The following CPEB1 variants were observed in gnomAD, a reference collection of about 807,000 sequenced individuals.
CPEB1 encodes cytoplasmic polyadenylation element binding protein 1.
A neutral mutation model predicts 65.8 loss-of-function variants in CPEB1; 7 were observed. The ratio of observed to expected loss-of-function variants is 0.11; its 90% CI spans 0.06 to 0.20. CPEB1 has a LOEUF of 0.20. Ranked by LOEUF, CPEB1 falls within the 10% of genes least tolerant of loss-of-function variation. The pLI is 1.00. For synonymous variants in CPEB1, 262 were observed against 260.0 expected (o/e 1.01, Z -0.08); for missense variants, 551 against 712.2 (o/e 0.77, Z 2.58).
intron 3 of CPEB1, among the ~76,000 whole-genome samples, chr15:82,595,023 A>G (rs2042568278): frequency 6.6e-6 from 1 of 152,218 alleles, no homozygotes; most frequent in South Asian, 2.1e-4. Flanking sequence ...GAAATATTGG[A>G]AGAATTACCA....
chr15:82,562,016 C>T (rs2038304175), intron 4 of CPEB1, among the ~76,000 whole-genome samples: 1 of 152,136 alleles, frequency 6.6e-6, no homozygotes, highest in African/African-American at 2.4e-5. Flanking sequence ...CAGTCTTCAC[C>T]AAATCCTAAG....
chr15:82,600,796 T>G (rs2043036766), intron 3 of CPEB1, among the ~76,000 whole-genome samples: 1 of 152,036 alleles, frequency 6.6e-6, no homozygotes, highest in East Asian at 1.9e-4. Context: ...GATGATAGGT[T>G]TAAGCATAAC....
intron 1 of CPEB1, among the ~76,000 whole-genome samples, chr15:82,644,982 T>A (rs922049071): frequency 6.6e-6 from 1 of 152,194 alleles, no homozygotes. Flanking sequence ...CATTCCTGTA[T>A]CAAACGCCTA....
chr15:82,579,918 C>CAAAAAAAA lies in CPEB1; in HGVS notation c.272-8394_272-8387dup, dbSNP rs59925251. ...TGGGCGACAGAGTGAGACTCCGTCT[C>CAAAAAAAA]AAAAAAAAAAAAAAAAAAAAAAAAA... On this transcript the variant is annotated intron_variant, in intron 3 of 12. Coordinates refer to ENST00000684509, the MANE Select transcript of CPEB1 (RefSeq NM_001365242.1). Among the ~76,000 whole-genome samples, 14 of 32,678 alleles carry CAAAAAAAA rather than the reference C, an allele frequency of 4.3e-4. 2 individuals carry two copies. Among genetic ancestry groups the CAAAAAAAA allele is most frequent in the East Asian group, 5.2e-3 (2 of 386 alleles). 21.4% of individuals were successfully genotyped at this position (32,678 alleles called of 152,430 possible).
intron 3 of CPEB1, among the ~76,000 whole-genome samples, chr15:82,587,931 T>C (rs1004470826): frequency 6.6e-6 from 1 of 152,068 alleles, no homozygotes; most frequent in African/African-American, 2.4e-5. Context: ...TTGTTTTTGT[T>C]TTTGTTTTGA....
chr15:82,546,011 T>TC (rs1373615813), intron 12 of CPEB1, among the ~76,000 whole-genome samples: 6 of 83,070 alleles, frequency 7.2e-5, no homozygotes, highest in Admixed American at 2.0e-4. Flanking sequence ...AGTATGTCTG[T>TC]CCCGGTCTGA....
chr15:82,593,065 G>A (rs2042390303), intron 3 of CPEB1, among the ~76,000 whole-genome samples: 1 of 152,158 alleles, frequency 6.6e-6, no homozygotes, highest in Non-Finnish European at 1.5e-5. Flanking sequence ...TGCTGGTGGA[G>A]GGGTCTTGCC....
At chr15:82,620,102 C>T (rs1262396861) in intron 3 of CPEB1, among the ~76,000 whole-genome samples, 1 of 152,148 alleles carries the variant, frequency 6.6e-6, no homozygotes, top group Admixed American at 6.5e-5. Context: ...ATGGATGAAA[C>T]TCACAGCTAA....
intron 3 of CPEB1, among the ~76,000 whole-genome samples, chr15:82,605,351 TC>T (rs1217765043): frequency 6.6e-6 from 1 of 152,002 alleles, no homozygotes. Context: ...TATATTTTTG[TC>T]TTTTTTTTCT....
rs1174609035 is a variant in CPEB1, at chr15:82,549,358, C to T, written c.1480+102G>A. 4 of 1,184,200 alleles carry T rather than the reference C, an allele frequency of 3.4e-6. No homozygotes were observed. In the South Asian group the frequency reaches 5.2e-5, roughly 16 times the overall value. The allele number at this position is 1,184,200 out of a possible 1,614,324, so 73.4% of individuals were successfully genotyped here. A position where few individuals can be genotyped will look rare whatever the true frequency, so the allele number is the denominator to read the frequency against. On this transcript the variant is annotated intron_variant, in intron 10 of 12. Transcript: ENST00000684509. ...GTGCTGGTATATGCTGATCTGCAGACCTGGGTCAGGCCTCTCTCCTCACTC... is the reference window on the plus strand; with the variant it reads ...GTGCTGGTATATGCTGATCTGCAGATCTGGGTCAGGCCTCTCTCCTCACTC...
At chr15:82,604,273 G>C (rs1300815379) in intron 3 of CPEB1, among the ~76,000 whole-genome samples, 1 of 152,152 alleles carries the variant, frequency 6.6e-6, no homozygotes, top group Non-Finnish European at 1.5e-5. Flanking sequence ...CACAAGGTCA[G>C]GAGATTGAGA....
chr15:82,612,917 AAAACAAAAAC>A (rs1021645949), intron 3 of CPEB1, among the ~76,000 whole-genome samples: 3 of 152,150 alleles, frequency 2.0e-5, no homozygotes, highest in Non-Finnish European at 4.4e-5. Flanking sequence ...GTTCCTCAAA[AAAACAAAAAC>A]AAACAAAAAC....
chr15:82,556,850 A>G (rs2037291986), intron 5 of CPEB1, among the ~76,000 whole-genome samples: 1 of 152,248 alleles, frequency 6.6e-6, no homozygotes. Flanking sequence ...ACCAATGGTC[A>G]GTGAGAACAC....
chr15:82,606,064 A>C (rs1016755825), intron 3 of CPEB1, among the ~76,000 whole-genome samples: 1 of 152,210 alleles, frequency 6.6e-6, no homozygotes, highest in Non-Finnish European at 1.5e-5. Context: ...TTTGTAATAC[A>C]TTAACAGCAC....
intron 4 of CPEB1, chr15:82,562,160 T>TC (rs1337128941): frequency 6.7e-6 from 3 of 448,126 alleles, no homozygotes; most frequent in African/African-American, 4.1e-5. Flanking sequence ...GCTACTTTTT[T>TC]TTTTTTTTTT....
chr15:82,575,894 G>C (rs757800045), intron 3 of CPEB1, among the ~76,000 whole-genome samples: 55 of 152,212 alleles, frequency 3.6e-4, no homozygotes, highest in Middle Eastern at 3.4e-3. Context: ...TGGGAGAAAA[G>C]GTACATCCAC....
chr15:82,617,067 C>A (rs2044783071), intron 3 of CPEB1, among the ~76,000 whole-genome samples: 1 of 152,212 alleles, frequency 6.6e-6, no homozygotes, highest in South Asian at 2.1e-4. Flanking sequence ...TTCCTACCTA[C>A]CTCTGAGTCC....
intron 3 of CPEB1, among the ~76,000 whole-genome samples, chr15:82,622,770 T>C (rs2045421306): frequency 6.6e-6 from 1 of 152,228 alleles, no homozygotes; most frequent in South Asian, 2.1e-4. Context: ...GGTTCAACCT[T>C]GTCTTCTTTC....
At position 82,606,960 on chromosome 15, in the gene CPEB1, T is replaced by C. The variant is rs568112332; in HGVS notation, c.271+20233A>G. ...CCAGCCTGGGTGACAGAGCAAGACTTTGTCTCTTTAAAAAAAACAAGAAAC... is the reference window on the plus strand; with the variant it reads ...CCAGCCTGGGTGACAGAGCAAGACTCTGTCTCTTTAAAAAAAACAAGAAAC... On this transcript the variant is annotated intron_variant, in intron 3 of 12. Transcript: ENST00000684509. Among the ~76,000 whole-genome samples, 8 of 151,650 alleles carry C rather than the reference T, an allele frequency of 5.3e-5. No homozygotes were observed. The South Asian group carries it at 1.5e-3, about 28-fold the overall frequency.
Sources: gnomAD v4.1 joint callset for allele counts (sites outside exome capture counted in the v4.1 genomes callset) on GRCh38, gnomAD v4.1.1 for gene constraint, MANE v1.5 for transcripts, NCBI Gene and HGNC (gene_info 2026-07-23, HGNC 2026-07-21) for gene names.